NKAIN2: variants seen among roughly 807,000 people sequenced by gnomAD.
The protein encoded by NKAIN2 is sodium/potassium-transporting ATPase subunit beta-1-interacting protein 2.
In NKAIN2, 14 loss-of-function variants were observed where a neutral mutation model predicts 32.6. The observed-to-expected ratio is 0.43, with a 90% CI of 0.28 to 0.67. The LOEUF is 0.67. NKAIN2 is among the 30% of genes least tolerant of loss of function. NKAIN2 has a pLI of 0.17. For synonymous variants in NKAIN2, 80 were observed against 87.2 expected (o/e 0.92, Z 0.46); for missense variants, 198 against 258.3 (o/e 0.77, Z 1.60).
chr6:124,532,688 G>A (rs1779568792), intron 3 of NKAIN2, among the ~76,000 whole-genome samples: 1 of 152,158 alleles, frequency 6.6e-6, no homozygotes, highest in African/African-American at 2.4e-5. Flanking sequence ...CTCGTCAGAG[G>A]CCAGAACTAC....
chr6:124,255,404 T>C (rs924338186), intron 1 of NKAIN2, among the ~76,000 whole-genome samples: 6 of 152,348 alleles, frequency 3.9e-5, no homozygotes, highest in Middle Eastern at 3.4e-3. Flanking sequence ...GAACAGTGTC[T>C]ACCTGGGGGT....
At chr6:124,763,545 C>G (rs867209916) in intron 4 of NKAIN2, among the ~76,000 whole-genome samples, 40 of 152,162 alleles carry the variant, frequency 2.6e-4, no homozygotes, top group African/African-American at 8.9e-4. Context: ...CCCCCATAAT[C>G]CAATCATCTC....
At chr6:124,754,446 A>C (rs1777867006) in intron 4 of NKAIN2, among the ~76,000 whole-genome samples, 1 of 121,830 alleles carries the variant, frequency 8.2e-6, no homozygotes, top group Non-Finnish European at 1.7e-5. Flanking sequence ...CCCATAAAAA[A>C]GCAGGCAAAC....
At chr6:123,915,492 A>T (rs1033954142) in intron 1 of NKAIN2, among the ~76,000 whole-genome samples, 4 of 152,134 alleles carry the variant, frequency 2.6e-5, no homozygotes, top group Non-Finnish European at 5.9e-5. Context: ...TGACCTAGAG[A>T]GTGGTAAGTC....
intron 5 of NKAIN2, among the ~76,000 whole-genome samples, chr6:124,798,579 C>G (rs1027229901): frequency 5.9e-5 from 9 of 152,112 alleles, no homozygotes; most frequent in Non-Finnish European, 1.2e-4. Context: ...AAAAAGGTGT[C>G]ATCTTTCACC....
chr6:124,339,816 T>G (rs1198188486), intron 2 of NKAIN2, among the ~76,000 whole-genome samples: 1 of 152,146 alleles, frequency 6.6e-6, no homozygotes, highest in Non-Finnish European at 1.5e-5. Flanking sequence ...CCTACTATTG[T>G]GCGTGTGGAA....
intron 3 of NKAIN2, among the ~76,000 whole-genome samples, chr6:124,573,498 G>A (rs926110779): frequency 2.0e-5 from 3 of 150,996 alleles, no homozygotes; most frequent in Non-Finnish European, 4.4e-5. Context: ...TATTTTAAGT[G>A]GTCTTCTTGG....
intron 1 of NKAIN2, among the ~76,000 whole-genome samples, chr6:124,081,154 T>G (rs1173314461): frequency 6.6e-6 from 1 of 152,130 alleles, no homozygotes; most frequent in Non-Finnish European, 1.5e-5. Context: ...TTTTAAAGAT[T>G]TTTGTCTGCC....
At chr6:123,997,597 CTTTTTTTTTTTTTT>C in intron 1 of NKAIN2, among the ~76,000 whole-genome samples, 1 of 98,246 alleles carries the variant, frequency 1.0e-5, no homozygotes, top group African/African-American at 4.0e-5. Context: ...GGAGTTTATT[CTTTTTTTTTTTTTT>C]TTTTTTTTTT....
intron 3 of NKAIN2, among the ~76,000 whole-genome samples, chr6:124,571,764 A>G (rs1333231553): frequency 6.6e-6 from 1 of 152,064 alleles, no homozygotes; most frequent in Non-Finnish European, 1.5e-5. Context: ...TCCATCAACA[A>G]TTCATTTTTC....
chr6:124,368,299 G>A (rs1382281261), intron 3 of NKAIN2, among the ~76,000 whole-genome samples: 1 of 152,064 alleles, frequency 6.6e-6, no homozygotes, highest in African/African-American at 2.4e-5. Context: ...CCATTTCATA[G>A]TTCTCTTGTT....
chr6:124,098,819 G>A (rs868775665), intron 1 of NKAIN2, among the ~76,000 whole-genome samples: 1 of 151,964 alleles, frequency 6.6e-6, no homozygotes, highest in Non-Finnish European at 1.5e-5. Flanking sequence ...GCAGTGAGCC[G>A]AGATCACGCC....
intron 4 of NKAIN2, among the ~76,000 whole-genome samples, chr6:124,710,777 T>C (rs1379730594): frequency 6.8e-6 from 1 of 147,998 alleles, no homozygotes; most frequent in African/African-American, 2.5e-5. Flanking sequence ...GTCTTGACTC[T>C]TTATCCAATT....
chr6:124,673,959 A>G (rs1310872698), intron 4 of NKAIN2, among the ~76,000 whole-genome samples: 1 of 152,002 alleles, frequency 6.6e-6, no homozygotes, highest in Non-Finnish European at 1.5e-5. Context: ...ACCAAAACCA[A>G]TGCTATGAAG....
At chr6:124,089,616 G>A (rs1784336389) in intron 1 of NKAIN2, among the ~76,000 whole-genome samples, 1 of 151,862 alleles carries the variant, frequency 6.6e-6, no homozygotes, top group South Asian at 2.1e-4. Flanking sequence ...CAAAGCACAA[G>A]ACTATTGCAG....
chr6:124,764,197 C>G (rs1262089933), intron 4 of NKAIN2, among the ~76,000 whole-genome samples: 1 of 152,092 alleles, frequency 6.6e-6, no homozygotes, highest in Non-Finnish European at 1.5e-5. Context: ...TCACTAACTT[C>G]TAACTGAAAT....
chr6:124,448,239 A>T (rs931237696), intron 3 of NKAIN2, among the ~76,000 whole-genome samples: 1 of 151,992 alleles, frequency 6.6e-6, no homozygotes, highest in African/African-American at 2.4e-5. Context: ...GATTAAGGAA[A>T]TCTCTGCTCA....
chr6:124,095,497 GTGTC>G (rs1486313163), intron 1 of NKAIN2, among the ~76,000 whole-genome samples: 1 of 152,080 alleles, frequency 6.6e-6, no homozygotes, highest in Admixed American at 6.5e-5. Context: ...CCTTTCAAAA[GTGTC>G]TGTGTAGAGA....
intron 3 of NKAIN2, among the ~76,000 whole-genome samples, chr6:124,528,281 T>C (rs7771619): frequency 0.038 from 5,772 of 152,294 alleles, 381 homozygotes; most frequent in African/African-American, 0.13. Context: ...TTGGAAAACA[T>C]TATGTTCTCC....
Sources: gnomAD v4.1 joint callset for allele counts (sites outside exome capture counted in the v4.1 genomes callset) on GRCh38, gnomAD v4.1.1 for gene constraint, MANE v1.5 for transcripts, NCBI Gene and HGNC (gene_info 2026-07-23, HGNC 2026-07-21) for gene names.